TMTC1: variants seen among roughly 807,000 people sequenced by gnomAD.
TMTC1 encodes the protein protein O-mannosyl-transferase TMTC1.
In TMTC1, 73 loss-of-function variants were observed where a neutral mutation model predicts 104.8. That is an observed-to-expected ratio of 0.70 (90% CI 0.58 to 0.85). The LOEUF is 0.85. TMTC1 is among the 40% of genes least tolerant of loss of function. TMTC1 has a pLI of 0.00. For missense variants in TMTC1, 1,035 were observed against 1,096.1 expected (o/e 0.94, Z 0.79); for synonymous variants, 434 against 428.7 (o/e 1.01, Z -0.15).
chr12:29,564,345 T>C (rs1360429745), intron 9 of TMTC1, among the ~76,000 whole-genome samples: 1 of 152,026 alleles, frequency 6.6e-6, no homozygotes, highest in East Asian at 1.9e-4. Flanking sequence ...AGGAACCCCT[T>C]AAAAAGCAAA....
intron 5 of TMTC1, among the ~76,000 whole-genome samples, chr12:29,723,066 A>G (rs989349616): frequency 1.3e-5 from 2 of 152,066 alleles, no homozygotes; most frequent in Admixed American, 6.5e-5. Flanking sequence ...AATTATAAAG[A>G]GTACCTTTTA....
chr12:29,572,606 G>T (rs2136301508), intron 8 of TMTC1, among the ~76,000 whole-genome samples: 1 of 152,240 alleles, frequency 6.6e-6, no homozygotes, highest in Admixed American at 6.5e-5. Flanking sequence ...AGAGCACATT[G>T]TACAACATGA....
intron 13 of TMTC1, 26 bp from the exon 14 acceptor site, chr12:29,517,597 C>A (rs1356726175): frequency 1.2e-6 from 2 of 1,613,638 alleles, no homozygotes; most frequent in African/African-American, 1.3e-5. Context: ...ATCTAAATGA[C>A]ATTTCTCTTC....
chr12:29,737,533 T>G (rs1268756854), intron 5 of TMTC1, among the ~76,000 whole-genome samples: 1 of 150,804 alleles, frequency 6.6e-6, no homozygotes, highest in Non-Finnish European at 1.5e-5. Flanking sequence ...AAAATAAAAA[T>G]AAAAAAAGGG....
Position 29,693,516 on chromosome 12 carries a change from C to A in TMTC1, c.938+58150G>T, listed in dbSNP as rs975993345. Among the ~76,000 whole-genome samples, 7 of 152,176 alleles carry A rather than the reference C, an allele frequency of 4.6e-5. 1 individual carries two copies. The South Asian group carries it at 1.5e-3, about 32-fold the overall frequency. On this transcript the variant is annotated intron_variant, in intron 5 of 17. Transcript: ENST00000539277. Reference sequence around the variant, plus strand: ...AAATTTGTAACCAACCTTTCTCTATCCCCTTCGTTCCCCACCCGTTCCCAG... The same window carrying A: ...AAATTTGTAACCAACCTTTCTCTATACCCTTCGTTCCCCACCCGTTCCCAG...
intron 7 of TMTC1, among the ~76,000 whole-genome samples, chr12:29,583,957 G>A (rs1394312478): frequency 2.0e-5 from 3 of 152,074 alleles, no homozygotes; most frequent in African/African-American, 4.8e-5. Context: ...GGCACTATGC[G>A]CCTAAATTCG....
chr12:29,699,439 A>G (rs1941516880), intron 5 of TMTC1, among the ~76,000 whole-genome samples: 1 of 152,220 alleles, frequency 6.6e-6, no homozygotes, highest in South Asian at 2.1e-4. Flanking sequence ...TATGACAGAA[A>G]AAAGTGCCAT....
At chr12:29,714,744 C>A (rs977857793) in intron 5 of TMTC1, among the ~76,000 whole-genome samples, 10 of 152,232 alleles carry the variant, frequency 6.6e-5, no homozygotes, top group Non-Finnish European at 1.5e-4. Context: ...GATCAGAAGT[C>A]AAAATTCAAA....
At chr12:29,601,525 G>T (rs2136392591) in intron 7 of TMTC1, among the ~76,000 whole-genome samples, 1 of 152,266 alleles carries the variant, frequency 6.6e-6, no homozygotes, top group South Asian at 2.1e-4. Flanking sequence ...TGAGCCGAAA[G>T]TCCATTACTA....
At chr12:29,651,073 G>A (rs994023146) in intron 5 of TMTC1, among the ~76,000 whole-genome samples, 1 of 152,184 alleles carries the variant, frequency 6.6e-6, no homozygotes, top group African/African-American at 2.4e-5. Context: ...TGCATTTGGA[G>A]GGGGCACATG....
At chr12:29,673,285 A>C (rs1940587182) in intron 5 of TMTC1, among the ~76,000 whole-genome samples, 1 of 152,244 alleles carries the variant, frequency 6.6e-6, no homozygotes, top group Admixed American at 6.5e-5. Flanking sequence ...AAGATTTCAG[A>C]GTAGAAATAA....
chr12:29,763,975 T>C (rs138015615), intron 2 of TMTC1, among the ~76,000 whole-genome samples: 1 of 152,322 alleles, frequency 6.6e-6, no homozygotes, highest in African/African-American at 2.4e-5. Context: ...AGCCAGTTGA[T>C]TTTATGACAA....
At chr12:29,752,810 T>A (rs1178163141) in intron 4 of TMTC1, among the ~76,000 whole-genome samples, 1 of 152,140 alleles carries the variant, frequency 6.6e-6, no homozygotes, top group Non-Finnish European at 1.5e-5. Flanking sequence ...TGTGTGTATA[T>A]GAAGTAAAGT....
intron 6 of TMTC1, among the ~76,000 whole-genome samples, 190 bp downstream of exon 6, chr12:29,632,957 A>G (rs565868715): frequency 1.3e-5 from 2 of 152,296 alleles, no homozygotes; most frequent in South Asian, 4.2e-4. Context: ...CAGTTTCAAT[A>G]CAGGGTTAGT....
At chr12:29,711,710 T>C (rs7963288) in intron 5 of TMTC1, among the ~76,000 whole-genome samples, 110,196 of 152,046 alleles carry the variant, frequency 0.72, 40,919 homozygotes, top group South Asian at 0.83. Context: ...AGAGTCACTT[T>C]AAAGAGCAAC....
At chr12:29,647,311 T>C (rs185535947) in intron 5 of TMTC1, among the ~76,000 whole-genome samples, 7 of 152,334 alleles carry the variant, frequency 4.6e-5, no homozygotes, top group Non-Finnish European at 8.8e-5. Flanking sequence ...TGAGCCACTA[T>C]GCCCTGCCCC....
At chr12:29,753,262 T>A (rs1943135131) in intron 4 of TMTC1, among the ~76,000 whole-genome samples, 3 of 152,202 alleles carry the variant, frequency 2.0e-5, no homozygotes, top group Admixed American at 2.0e-4. Context: ...TGTGCATTCC[T>A]CTGGGGACAT....
At chr12:29,750,612 C>T (rs1199951277) in intron 5 of TMTC1, among the ~76,000 whole-genome samples, 5 of 152,166 alleles carry the variant, frequency 3.3e-5, no homozygotes, top group Admixed American at 1.3e-4. Context: ...TAACTGGAAA[C>T]AAAGACTGCA....
chr12:29,724,228 AAAAT>A (rs1942318205), intron 5 of TMTC1, among the ~76,000 whole-genome samples: 1 of 152,234 alleles, frequency 6.6e-6, no homozygotes. Context: ...GACAAGTTTG[AAAAT>A]GTTAAAGTCT....
Sources: gnomAD v4.1 joint callset for allele counts (sites outside exome capture counted in the v4.1 genomes callset) on GRCh38, gnomAD v4.1.1 for gene constraint, MANE v1.5 for transcripts, NCBI Gene and HGNC (gene_info 2026-07-23, HGNC 2026-07-21) for gene names.